CNTN4: variants seen among roughly 807,000 people sequenced by gnomAD.
The protein encoded by CNTN4 is contactin-4.
A neutral mutation model predicts 122.5 loss-of-function variants in CNTN4; 77 were observed. The ratio of observed to expected loss-of-function variants is 0.63; its 90% CI spans 0.52 to 0.76. The LOEUF is 0.76. CNTN4 is among the 30% of genes least tolerant of loss of function. The pLI is 0.00. For synonymous variants in CNTN4, 512 were observed against 447.0 expected (o/e 1.15, Z -1.83); for missense variants, 1,256 against 1,259.1 (o/e 1.00, Z 0.04).
intron 4 of CNTN4, among the ~76,000 whole-genome samples, chr3:2,672,906 A>G (rs900885155): frequency 6.6e-6 from 1 of 152,320 alleles, no homozygotes; most frequent in Non-Finnish European, 1.5e-5. Flanking sequence ...GTCCTTGCCC[A>G]GTAGGAGCTT....
chr3:2,138,316 C>T (rs2034811797), intron 2 of CNTN4, among the ~76,000 whole-genome samples: 1 of 152,110 alleles, frequency 6.6e-6, no homozygotes, highest in Non-Finnish European at 1.5e-5. Flanking sequence ...GATCCACCTG[C>T]CTTGGCCTCC....
chr3:2,353,935 CAT>C (rs2044757562), intron 3 of CNTN4, among the ~76,000 whole-genome samples: 1 of 151,710 alleles, frequency 6.6e-6, no homozygotes, highest in Non-Finnish European at 1.5e-5. Context: ...ACAAAAAAAA[CAT>C]AAAGGAGTCC....
chr3:2,269,874 C>T (rs1372866551), intron 2 of CNTN4, among the ~76,000 whole-genome samples: 2 of 151,940 alleles, frequency 1.3e-5, no homozygotes, highest in Admixed American at 1.3e-4. Context: ...GCCACCACCC[C>T]CCGCCCATCC....
At chr3:2,473,388 C>T (rs1445868008) in intron 3 of CNTN4, among the ~76,000 whole-genome samples, 1 of 152,084 alleles carries the variant, frequency 6.6e-6, no homozygotes, top group Admixed American at 6.5e-5. Flanking sequence ...TATTCCATAC[C>T]TTTTATACTA....
chr3:3,019,583 TG>T, intron 14 of CNTN4, among the ~76,000 whole-genome samples: 1 of 151,774 alleles, frequency 6.6e-6, no homozygotes, highest in South Asian at 2.1e-4. Flanking sequence ...GCATGAGCCA[TG>T]GTAGCCAGCC....
chr3:2,161,056 C>G (rs1418132860), intron 2 of CNTN4, among the ~76,000 whole-genome samples: 3 of 151,954 alleles, frequency 2.0e-5, no homozygotes, highest in Non-Finnish European at 4.4e-5. Context: ...AGAGGGGAGT[C>G]AAAGATGGAG....
At position 2,866,388 on chromosome 3, in the gene CNTN4, A is replaced by G. The variant is rs181362764; in HGVS notation, c.455-364A>G. The G allele has an allele frequency of 1.3e-4, 114 of 906,202 alleles. 2 individuals carry two copies. In the East Asian group the frequency reaches 7.8e-3, roughly 62 times the overall value. 56.1% of individuals were successfully genotyped at this position (906,202 alleles called of 1,614,324 possible). On this transcript the variant is annotated intron_variant, in intron 7 of 24. Transcript: ENST00000418658. ...TTCCAGGGTGGCTTCCAGCATTACT[A>G]TATCAAGATTATAGGCACCCTGGGT... is the stretch of plus-strand genomic sequence containing the variant.
intron 4 of CNTN4, among the ~76,000 whole-genome samples, chr3:2,651,991 C>G (rs1441371771): frequency 6.6e-6 from 1 of 151,298 alleles, no homozygotes; most frequent in East Asian, 1.9e-4. Flanking sequence ...ATAGGTGTGA[C>G]CCACCGCACC....
chr3:2,933,681 G>A (rs1020727518), intron 13 of CNTN4, among the ~76,000 whole-genome samples: 3 of 151,978 alleles, frequency 2.0e-5, no homozygotes, highest in Non-Finnish European at 2.9e-5. Flanking sequence ...TTTTCTATTG[G>A]GCTTTCTGTA....
chr3:2,787,736 G>A (rs924509699), intron 6 of CNTN4, among the ~76,000 whole-genome samples: 1 of 151,654 alleles, frequency 6.6e-6, no homozygotes, highest in Non-Finnish European at 1.5e-5. Context: ...CATTAGGTTA[G>A]CTCATGCACA....
intron 2 of CNTN4, among the ~76,000 whole-genome samples, chr3:2,220,558 C>T (rs1260288282): frequency 2.0e-5 from 3 of 152,128 alleles, no homozygotes; most frequent in Admixed American, 6.5e-5. Flanking sequence ...AAACTACCGA[C>T]TTTCAGTTCT....
intron 4 of CNTN4, among the ~76,000 whole-genome samples, chr3:2,618,119 T>C (rs2081845315): frequency 6.6e-6 from 1 of 152,128 alleles, no homozygotes; most frequent in Non-Finnish European, 1.5e-5. Context: ...TGTTTACATG[T>C]AATATGGGAT....
intron 2 of CNTN4, among the ~76,000 whole-genome samples, chr3:2,241,702 C>T (rs1369032657): frequency 2.6e-5 from 4 of 152,174 alleles, no homozygotes; most frequent in Non-Finnish European, 5.9e-5. Flanking sequence ...ATCTGCCTCC[C>T]AATTAGACTG....
chr3:2,761,824 G>T (rs1379191116), intron 6 of CNTN4, among the ~76,000 whole-genome samples: 1 of 152,016 alleles, frequency 6.6e-6, no homozygotes, highest in Non-Finnish European at 1.5e-5. Flanking sequence ...TCTAAGAAGG[G>T]ATTATTATTA....
chr3:2,501,769 C>T (rs757998987), intron 3 of CNTN4, among the ~76,000 whole-genome samples: 1 of 152,108 alleles, frequency 6.6e-6, no homozygotes, highest in Non-Finnish European at 1.5e-5. Flanking sequence ...GTCCCTTTCA[C>T]TGTGTAAAGT....
At chr3:2,467,479 T>C (rs115359359) in intron 3 of CNTN4, among the ~76,000 whole-genome samples, 1 of 152,316 alleles carries the variant, frequency 6.6e-6, no homozygotes, top group African/African-American at 2.4e-5. Context: ...ATGGTTTTCA[T>C]TGTAGAATAG....
intron 14 of CNTN4, among the ~76,000 whole-genome samples, chr3:3,002,116 G>C (rs928697014): frequency 1.3e-5 from 2 of 152,198 alleles, no homozygotes; most frequent in East Asian, 3.8e-4. Flanking sequence ...GAAATAGGGA[G>C]AGTGTAGATT....
At chr3:2,524,384 T>G (rs1327536370) in intron 3 of CNTN4, among the ~76,000 whole-genome samples, 1 of 152,136 alleles carries the variant, frequency 6.6e-6, no homozygotes, top group Non-Finnish European at 1.5e-5. Flanking sequence ...ATCCATTCTT[T>G]AGTTGATGGA....
At chr3:2,393,701 G>A (rs1559514059) in intron 3 of CNTN4, among the ~76,000 whole-genome samples, 1 of 151,934 alleles carries the variant, frequency 6.6e-6, no homozygotes, top group Non-Finnish European at 1.5e-5. Context: ...AAGTATTTCT[G>A]TCTTCATCAT....
Sources: gnomAD v4.1 joint callset for allele counts (sites outside exome capture counted in the v4.1 genomes callset) on GRCh38, gnomAD v4.1.1 for gene constraint, MANE v1.5 for transcripts, NCBI Gene and HGNC (gene_info 2026-07-23, HGNC 2026-07-21) for gene names.